The following PAXIP1 variants were observed in gnomAD, a reference collection of about 807,000 sequenced individuals.
PAXIP1 encodes the protein PAX interacting protein 1, also known as PAX-interacting protein 1.
Under a neutral mutation model 140.6 loss-of-function variants are expected in PAXIP1, and 19 were observed. That is an observed-to-expected ratio of 0.14 (90% CI 0.09 to 0.20). PAXIP1 has a LOEUF of 0.20. Among genes scored for constraint, PAXIP1 ranks in the 10% least tolerant of loss-of-function variants. The pLI is 1.00. For missense variants in PAXIP1, 920 were observed against 1,208.6 expected (o/e 0.76, Z 3.54); for synonymous variants, 442 against 444.6 (o/e 0.99, Z 0.07).
chr7:154,992,538 T>A (rs1240318429), intron 3 of PAXIP1, among the ~76,000 whole-genome samples: 1 of 150,014 alleles, frequency 6.7e-6, no homozygotes, highest in African/African-American at 2.5e-5. Flanking sequence ...GAAGTTACAG[T>A]GAGCCGAGAT....
At chr7:154,977,852 T>C (rs749490709) in intron 5 of PAXIP1, among the ~76,000 whole-genome samples, 4 of 150,258 alleles carry the variant, frequency 2.7e-5, no homozygotes, top group Non-Finnish European at 4.4e-5. Context: ...AACAACCTCT[T>C]CCTATGAAAA....
Position 154,998,691 on chromosome 7 carries a change from C to A in PAXIP1, c.175G>T (p.Val59Leu). ...TCAAAGACTTCCCGAGCTTCTCCCA[C>A]CTCTGGATTGTCCCCATCCTCTGAG... The part of the protein sequence containing the change: ...IISEDGDNPE[V>L]GEAREVFDLP... The change falls in exon 2 of 21, where the codon GTG becomes TTG. Residue 59 changes from valine (V) to leucine (L), a missense_variant. This residue lies in a region of PAXIP1 where 419 missense variants were observed against 514.7 expected (regional missense o/e 0.81). Coordinates refer to ENST00000404141, the MANE Select transcript of PAXIP1 (RefSeq NM_007349.4). The A allele has an allele frequency of 6.2e-7, 1 of 1,613,540 alleles. No homozygotes were observed. Among genetic ancestry groups the A allele is most frequent in the Non-Finnish European group, 8.5e-7 (1 of 1,179,524 alleles).
Position 154,946,774 on chromosome 7 carries a change from G to C in PAXIP1, c.2962C>G (p.Leu988Val), listed in dbSNP as rs779445797. 6.2e-6 allele frequency: 10 copies of C among 1,610,650 alleles called. No homozygotes were observed. The highest frequency in any genetic ancestry group is 5.5e-5 in the South Asian group (5 of 90,758). Reference protein sequence around the residue: ...FYITPGICPSLSTMKAIVECA... With the variant: ...FYITPGICPSVSTMKAIVECA... ...TCTACGATTGCCTTCATAGTGGAAA[G>C]ACTTGGGCAGATTCCAGGTGTGATG... Residue 988 changes from leucine to valine, a missense_variant, in exon 18 of 21, where the codon CTT becomes GTT. By Grantham distance (32) the Leu-to-Val change is conservative. Coordinates refer to ENST00000404141, the MANE Select transcript of PAXIP1 (RefSeq NM_007349.4). The surrounding 1 kb of genome is among the most constrained non-coding windows in gnomAD (Gnocchi z 4.9).
Position 154,993,744 on chromosome 7 carries a change from T to C in PAXIP1, c.242A>G (p.Gln81Arg). Residue 81 changes from glutamine to arginine, a missense_variant, in exon 3 of 21, where the codon CAG becomes CGG. Physicochemically the swap from Gln to Arg is conservative, Grantham distance 43. This residue lies in a region of PAXIP1 where 419 missense variants were observed against 514.7 expected (regional missense o/e 0.81). Transcript: ENST00000404141. ...AGGATACGGCAGAAGAGTTCCACAC[T>C]GAACGGACAGAATCACCCAAGAAGG... ...VKPSWVILSV[Q>R]CGTLLPVNGF... The C allele has an allele frequency of 6.3e-7, 1 of 1,593,172 alleles. No homozygotes were observed. The highest frequency in any genetic ancestry group is 1.1e-5 in the South Asian group (1 of 87,082).
chr7:154,958,968 C>A (rs1808644141), intron 13 of PAXIP1, among the ~76,000 whole-genome samples: 1 of 152,204 alleles, frequency 6.6e-6, no homozygotes, highest in Non-Finnish European at 1.5e-5. Context: ...AACAATACAT[C>A]TATGATCACA....
intron 4 of PAXIP1, among the ~76,000 whole-genome samples, chr7:154,987,248 T>G (rs927805857): frequency 6.6e-6 from 1 of 152,156 alleles, no homozygotes; most frequent in Non-Finnish European, 1.5e-5. Flanking sequence ...ATCATCCTTT[T>G]CCTCCTCTTC....
chr7:154,961,439 T>G (rs1563367427), intron 11 of PAXIP1, 88 bp downstream of exon 11: 1 of 1,081,296 alleles, frequency 9.2e-7, no homozygotes, highest in Admixed American at 2.9e-5. Flanking sequence ...CACAAAACTA[T>G]GACATACTAA....
chr7:154,944,132 CG>C lies in PAXIP1; in HGVS notation c.*16del. ...CCCGCACCGCAGGAGTCGACATGCA[CG>C]GCAGCCTAGACGCCATCAGTTAAAC... On this transcript the variant is annotated 3_prime_UTR_variant, in exon 21 of 21. Transcript: ENST00000404141. 6.2e-7 allele frequency: 1 copy of C among 1,612,172 alleles called. No homozygotes were observed. Among genetic ancestry groups the C allele is most frequent in the Non-Finnish European group, 8.5e-7 (1 of 1,178,972 alleles).
intron 2 of PAXIP1, among the ~76,000 whole-genome samples, chr7:154,995,580 T>C (rs573542489): frequency 5.3e-5 from 8 of 152,372 alleles, no homozygotes; most frequent in Admixed American, 5.2e-4. Context: ...CTGATCGCGA[T>C]GGCTCATGCC....
chr7:154,976,093 C>A lies in PAXIP1; in HGVS notation c.677G>T (p.Gly226Val). The A allele has an allele frequency of 6.3e-7, 1 of 1,575,944 alleles. No individual in the cohort carries two copies. The highest frequency in any genetic ancestry group is 1.3e-5 in the African/African-American group (1 of 74,238). The change falls in exon 6 of 21, where the codon GGG becomes GTG. Residue 226 changes from glycine to valine, a missense_variant. By Grantham distance (109) the Gly-to-Val change is moderately radical. Coordinates refer to ENST00000404141, the MANE Select transcript of PAXIP1 (RefSeq NM_007349.4). The part of the protein sequence containing the change: ...EKSSPASSQE[G>V]SPSGDQQFSP... Reference sequence around the variant, plus strand: ...AAACTGCTGGTCACCTGAAGGAGACCCTTCTTGAGAGCTGGCAGGGCTTGA... The same window carrying A: ...AAACTGCTGGTCACCTGAAGGAGACACTTCTTGAGAGCTGGCAGGGCTTGA...
intron 15 of PAXIP1, among the ~76,000 whole-genome samples, chr7:154,955,295 T>C (rs548380986): frequency 5.9e-5 from 9 of 152,318 alleles, no homozygotes; most frequent in Non-Finnish European, 1.2e-4. Flanking sequence ...TCCTGGCCTA[T>C]ACTAATAAGA....
At chr7:155,002,659 C>T (rs1449660016) in intron 1 of PAXIP1, among the ~76,000 whole-genome samples, 190 bp downstream of exon 1, 1 of 151,556 alleles carries the variant, frequency 6.6e-6, no homozygotes, top group African/African-American at 2.4e-5. Context: ...CCCGCACTCC[C>T]CCGGGCCCGG....
intron 5 of PAXIP1, among the ~76,000 whole-genome samples, chr7:154,982,300 A>G (rs1023725170): frequency 6.6e-6 from 1 of 152,174 alleles, no homozygotes; most frequent in African/African-American, 2.4e-5. Flanking sequence ...TTGATCACAC[A>G]CTGACTGTTG....
intron 12 of PAXIP1, 100 bp from the exon 13 acceptor site, chr7:154,960,033 G>A (rs894102257): frequency 6.5e-6 from 5 of 771,082 alleles, no homozygotes; most frequent in Non-Finnish European, 1.1e-5. Context: ...CAGACAGGTG[G>A]TTTAGCTGAC....
In PAXIP1 at chr7:154,998,674, T is replaced by A. The variant is rs1243928081; in HGVS notation, c.192A>T (p.Glu64Asp). 1 of 1,613,646 alleles carries A rather than the reference T, an allele frequency of 6.2e-7. No individual in the cohort carries two copies. Among genetic ancestry groups the A allele is most frequent in the Non-Finnish European group, 8.5e-7 (1 of 1,179,628 alleles). The change falls in exon 2 of 21, where the codon GAA becomes GAT. Residue 64 changes from glutamate to aspartate, a missense_variant. Physicochemically the swap from Glu to Asp is conservative, Grantham distance 45 (BLOSUM62 2). Around this residue, in one of 5 missense-constraint regions of PAXIP1, gnomAD observed 419 missense variants for 514.7 expected, o/e 0.81. Transcript: ENST00000404141. ...GDNPEVGEAR[E>D]VFDLPVVKPS... Reference sequence around the variant, plus strand: ...CCTTTACAACAGGTAAGTCAAAGACTTCCCGAGCTTCTCCCACCTCTGGAT... The same window carrying A: ...CCTTTACAACAGGTAAGTCAAAGACATCCCGAGCTTCTCCCACCTCTGGAT...
At chr7:154,950,136 T>A (rs184285327) in intron 16 of PAXIP1, 16 of 152,066 alleles carry the variant, frequency 1.1e-4, no homozygotes, top group African/African-American at 3.4e-4. Flanking sequence ...AAGTTACACA[T>A]AAATATAAAA....
Position 154,946,075 on chromosome 7 carries a change from T to C in PAXIP1, c.3194+290A>G. Reference sequence around the variant, plus strand: ...CATATATTTATTTTTGCAATTATTTTCTATTTTATCTAATTGTCAAATTCT... The same window carrying C: ...CATATATTTATTTTTGCAATTATTTCCTATTTTATCTAATTGTCAAATTCT... On this transcript the variant is annotated intron_variant, in intron 20 of 20. Coordinates refer to ENST00000404141, the MANE Select transcript of PAXIP1 (RefSeq NM_007349.4). The surrounding 1 kb of genome is among the most constrained non-coding windows in gnomAD (Gnocchi z 4.9). 2.0e-6 allele frequency: 2 copies of C among 975,872 alleles called. No individual in the cohort carries two copies. The highest frequency in any genetic ancestry group is 2.4e-6 in the Non-Finnish European group (2 of 821,250). 60.5% of individuals were successfully genotyped at this position (975,872 alleles called of 1,614,324 possible).
At chr7:154,960,780 A>C in intron 12 of PAXIP1, 113 bp downstream of exon 12, 2 of 707,260 alleles carry the variant, frequency 2.8e-6, no homozygotes, top group Admixed American at 7.3e-5. Flanking sequence ...TGAGTCAAAA[A>C]CTAATTAGAA....
chr7:154,945,610 TCA>T, intron 20 of PAXIP1: 1 of 954,830 alleles, frequency 1.0e-6, no homozygotes, highest in Non-Finnish European at 1.2e-6. Flanking sequence ...GCTCCCACCC[TCA>T]CAGAGAGGAG....
Sources: allele counts gnomAD v4.1 joint callset (sites outside exome capture counted in the v4.1 genomes callset), GRCh38; gene constraint gnomAD v4.1.1; regional missense constraint gnomAD v4.1.1; non-coding constraint Gnocchi (gnomAD v3.1); transcripts MANE v1.5; gene names NCBI Gene and HGNC (gene_info 2026-07-23, HGNC 2026-07-21).